MAST4: variants seen among roughly 807,000 people sequenced by gnomAD.
The protein encoded by MAST4 is microtubule-associated serine/threonine-protein kinase 4.
A neutral mutation model predicts 162.7 loss-of-function variants in MAST4; 89 were observed. The observed-to-expected ratio is 0.55, with a 90% CI of 0.46 to 0.65. The LOEUF (loss-of-function observed/expected upper bound fraction) is 0.65. Among genes scored for constraint, MAST4 ranks in the 30% least tolerant of loss-of-function variants. The pLI is 0.00. For missense variants in MAST4, 3,153 were observed against 3,374.0 expected (o/e 0.93, Z 1.62); for synonymous variants, 1,479 against 1,361.1 (o/e 1.09, Z -1.91).
chr5:67,125,076 A>G (rs1768054187), intron 14 of MAST4, among the ~76,000 whole-genome samples: 1 of 152,128 alleles, frequency 6.6e-6, no homozygotes, highest in African/African-American at 2.4e-5. Context: ...CCTCAGCACT[A>G]AACTTACTAA....
At chr5:67,052,570 C>T (rs779138203) in intron 4 of MAST4, among the ~76,000 whole-genome samples, 1 of 151,906 alleles carries the variant, frequency 6.6e-6, no homozygotes, top group African/African-American at 2.4e-5. Flanking sequence ...TCTTAAATAA[C>T]ATTTTCTAAA....
intron 4 of MAST4, among the ~76,000 whole-genome samples, chr5:67,041,692 G>A (rs563839587): frequency 1.7e-4 from 26 of 152,278 alleles, no homozygotes; most frequent in African/African-American, 4.3e-4. Flanking sequence ...GCAGTGGTGC[G>A]ATCTCAGCTC....
At chr5:66,968,912 GCAGATTA>G (rs1180098995) in intron 4 of MAST4, among the ~76,000 whole-genome samples, 1 of 151,948 alleles carries the variant, frequency 6.6e-6, no homozygotes, top group South Asian at 2.1e-4. Flanking sequence ...AGAAGTCATG[GCAGATTA>G]CACACGGAAG....
In MAST4 at chr5:67,117,312, A is replaced by G. The variant is rs558057055; in HGVS notation, c.1592-1370A>G. Among the ~76,000 whole-genome samples the G allele has an allele frequency of 2.6e-5, 4 of 152,312 alleles. No individual in the cohort carries two copies. In the South Asian group the frequency reaches 8.3e-4, roughly 32 times the overall value. ...CATAGTTTGTGCTAAGCTCCTTTTT[A>G]TTCTGGAATTTCCCCTATAGGTAAA... On this transcript the variant is annotated intron_variant, in intron 12 of 28. Coordinates refer to ENST00000403625, the MANE Select transcript of MAST4 (RefSeq NM_001164664.2).
intron 1 of MAST4, among the ~76,000 whole-genome samples, chr5:66,604,880 T>G (rs1168548359): frequency 6.6e-6 from 1 of 152,208 alleles, no homozygotes; most frequent in Non-Finnish European, 1.5e-5. Flanking sequence ...TGGGTTAAAA[T>G]TGGAGGTTAA....
In MAST4 at chr5:67,163,633, C is replaced by T. The variant is rs1773493805; in HGVS notation, c.4454C>T (p.Pro1485Leu). Reference protein sequence around the residue: ...VQREQSQREAPLQSLDENVCD... With the variant: ...VQREQSQREALLQSLDENVCD... ...CGGGAGCAGTCCCAGCGGGAGGCGC[C>T]GCTGCAGAGCCTGGATGAGAACGTG... is the stretch of plus-strand genomic sequence containing the variant. Residue 1485 changes from proline (P) to leucine (L), a missense_variant, in exon 29 of 29, where the codon CCG (proline) becomes CTG (leucine). Physicochemically the swap from Pro to Leu is moderately conservative, Grantham distance 98. Around this residue, in one of 7 missense-constraint regions of MAST4, gnomAD observed 1,644 missense variants for 1,495.0 expected, o/e 1.10. Transcript: ENST00000403625. The surrounding 1 kb of genome is among the most constrained non-coding windows in gnomAD (Gnocchi z 7.0). The T allele has an allele frequency of 1.2e-6, 2 of 1,605,950 alleles. No homozygotes were observed. The highest frequency in any genetic ancestry group is 1.7e-6 in the Non-Finnish European group (2 of 1,176,892).
intron 4 of MAST4, among the ~76,000 whole-genome samples, chr5:66,921,713 C>T (rs1438496782): frequency 6.6e-6 from 1 of 152,152 alleles, no homozygotes; most frequent in Non-Finnish European, 1.5e-5. Context: ...GATCCTAGAT[C>T]ATTCCACTGC....
rs1426924258 is a variant in MAST4 at position 67,078,944 on chromosome 5, ATATATATG to A, written c.764-11217_764-11210del. ...TATATATATATATATATATATATAT[ATATATATG>A]GCAATCTGATGTTATCTGTCAAATT... is the stretch of plus-strand genomic sequence containing the variant. On this transcript the variant is annotated intron_variant, in intron 5 of 28. Coordinates refer to ENST00000403625, the MANE Select transcript of MAST4 (RefSeq NM_001164664.2). Among the ~76,000 whole-genome samples, 979 of 100,462 alleles carry A rather than the reference ATATATATG, an allele frequency of 9.7e-3. 54 individuals carry two copies. Among genetic ancestry groups the A allele is most frequent in the African/African-American group, 0.042 (894 of 21,236 alleles). 65.9% of individuals were successfully genotyped at this position (100,462 alleles called of 152,430 possible).
chr5:66,803,550 A>G (rs528475231), intron 3 of MAST4, among the ~76,000 whole-genome samples: 127 of 152,290 alleles, frequency 8.3e-4, no homozygotes, highest in Non-Finnish European at 1.1e-3. Flanking sequence ...ATGTTTTTCA[A>G]TAAGGTTTTA....
At chr5:66,999,184 A>G (rs1751003903) in intron 4 of MAST4, among the ~76,000 whole-genome samples, 1 of 152,110 alleles carries the variant, frequency 6.6e-6, no homozygotes, top group African/African-American at 2.4e-5. Flanking sequence ...TAAGGATGCC[A>G]TGTGTTTTCT....
At chr5:66,660,950 A>G (rs778521532) in intron 1 of MAST4, among the ~76,000 whole-genome samples, 1 of 152,214 alleles carries the variant, frequency 6.6e-6, no homozygotes, top group Non-Finnish European at 1.5e-5. Context: ...TATTGCAGTC[A>G]GGCTTTCAAT....
intron 3 of MAST4, among the ~76,000 whole-genome samples, 171 bp downstream of exon 3, chr5:66,788,965 C>G (rs546230134): frequency 1.6e-4 from 25 of 152,320 alleles, no homozygotes; most frequent in South Asian, 4.1e-4. Flanking sequence ...CACCTGTACC[C>G]AGTTTGGAGG....
intron 10 of MAST4, among the ~76,000 whole-genome samples, chr5:67,106,848 A>G (rs892141610): frequency 1.3e-5 from 2 of 152,174 alleles, no homozygotes; most frequent in African/African-American, 2.4e-5. Context: ...TACTGAGTTC[A>G]GTGCCTGGTG....
At position 66,731,095 on chromosome 5, in the gene MAST4, G is replaced by C. The variant is rs183059454; in HGVS notation, c.364-28614G>C. 4.6e-5 allele frequency among the ~76,000 whole-genome samples: 7 copies of C among 152,206 alleles called. No homozygotes were observed. The South Asian group carries it at 6.2e-4, about 14-fold the overall frequency. On this transcript the variant is annotated intron_variant, in intron 1 of 28. Transcript: ENST00000403625. ...TATCCCACCTCTGAAAATTATTTCA[G>C]TTTTTGTTTATGAAAAAACTTAGAT... is the stretch of plus-strand genomic sequence containing the variant.
At position 67,153,540 on chromosome 5, in the gene MAST4, A is replaced by G; in HGVS notation, c.3608A>G (p.His1203Arg). The change falls in exon 26 of 29, where the codon CAT becomes CGT. Residue 1203 changes from histidine (H) to arginine (R), a missense_variant. By Grantham distance (29) the His-to-Arg change is conservative. Coordinates refer to ENST00000403625, the MANE Select transcript of MAST4 (RefSeq NM_001164664.2). ...LITHINGEPV[H>R]GLVHTEVIEL... ...ACTCACATCAATGGAGAACCAGTGCATGGACTTGTCCACACAGAAGTTATA... is the reference window on the plus strand; with the variant it reads ...ACTCACATCAATGGAGAACCAGTGCGTGGACTTGTCCACACAGAAGTTATA... 6.3e-7 allele frequency: 1 copy of G among 1,598,122 alleles called. No individual in the cohort carries two copies. Among genetic ancestry groups the G allele is most frequent in the African/African-American group, 1.3e-5 (1 of 74,850 alleles).
chr5:66,761,208 T>G (rs1258107700), intron 2 of MAST4, among the ~76,000 whole-genome samples: 1 of 152,226 alleles, frequency 6.6e-6, no homozygotes, highest in East Asian at 1.9e-4. Context: ...GACAATTATT[T>G]GTGTCTCGTG....
At chr5:66,723,771 C>G (rs1751354966) in intron 1 of MAST4, among the ~76,000 whole-genome samples, 1 of 152,094 alleles carries the variant, frequency 6.6e-6, no homozygotes, top group East Asian at 1.9e-4. Context: ...TAAAATTTTT[C>G]TCACCCAGAT....
intron 1 of MAST4, among the ~76,000 whole-genome samples, chr5:66,623,598 CTG>C (rs1461956394): frequency 6.6e-6 from 1 of 152,166 alleles, no homozygotes; most frequent in Non-Finnish European, 1.5e-5. Flanking sequence ...ATTAAAAACT[CTG>C]AACCAAATAG....
At chr5:67,034,464 A>T (rs947111806) in intron 4 of MAST4, among the ~76,000 whole-genome samples, 1 of 152,128 alleles carries the variant, frequency 6.6e-6, no homozygotes, top group African/African-American at 2.4e-5. Flanking sequence ...TAGATTCCTA[A>T]CTTATGTGTT....
Sources: gnomAD v4.1 joint callset for allele counts (sites outside exome capture counted in the v4.1 genomes callset) on GRCh38, gnomAD v4.1.1 for gene constraint, gnomAD v4.1.1 regional missense constraint, Gnocchi (gnomAD v3.1) non-coding constraint, MANE v1.5 for transcripts, NCBI Gene and HGNC (gene_info 2026-07-23, HGNC 2026-07-21) for gene names.